DNAH2: variants seen among roughly 807,000 people sequenced by gnomAD.
DNAH2 encodes the protein dynein axonemal heavy chain 2, also known as axonemal beta dynein heavy chain 2.
Under a neutral mutation model 523.5 loss-of-function variants are expected in DNAH2, and 323 were observed. The observed-to-expected ratio is 0.62, with a 90% confidence interval of 0.56 to 0.68. The LOEUF is 0.68. Among genes scored for constraint, DNAH2 ranks in the 30% least tolerant of loss-of-function variants. The probability of loss-of-function intolerance (pLI) is 0.00; values close to 1 mark genes in which losing one functional copy is unlikely to be tolerated. For missense variants in DNAH2, 4,907 were observed against 5,701.5 expected, an observed-to-expected ratio of 0.86 and a Z score of 4.49; for synonymous variants, 2,093 against 2,177.4, an observed-to-expected ratio of 0.96 and a Z score of 1.08.
chr17:7,830,638 T>C lies in DNAH2; in HGVS notation c.12046-20T>C, dbSNP rs754742390. 57 of 1,612,606 alleles carry C rather than the reference T, an allele frequency of 3.5e-5. No individual in the cohort carries two copies. Among genetic ancestry groups the C allele is most frequent in the Non-Finnish European group, 4.2e-5 (50 of 1,178,752 alleles). ...TGCCATAACTCTGGGAATGGGGGCT[T>C]GGGCTGGGATCATGCCTAGGTGTCA... On this transcript the variant is annotated intron_variant, in intron 78 of 85. Transcript: ENST00000572933.
Position 7,817,416 on chromosome 17 carries a change from G to T in DNAH2, c.10020+1G>T. On this transcript the variant is annotated splice_donor_variant, in intron 65 of 85. Coordinates refer to ENST00000572933, the MANE Select transcript of DNAH2 (RefSeq NM_020877.5). LOFTEE classifies it high-confidence loss of function. ...TGTCAACCAAATCTGGATCGGGAAG[G>T]TGAGATGGGACTCAGGCATGACAAG... is the stretch of plus-strand genomic sequence containing the variant. 6.2e-7 allele frequency: 1 copy of T among 1,614,024 alleles called. No homozygotes were observed. The highest frequency in any genetic ancestry group is 8.5e-7 in the Non-Finnish European group (1 of 1,180,018).
At chr17:7,745,793 CAAAAAA>C in intron 12 of DNAH2, among the ~76,000 whole-genome samples, 1 of 123,790 alleles carries the variant, frequency 8.1e-6, no homozygotes, top group Non-Finnish European at 1.7e-5. Flanking sequence ...CTGTCTCAAA[CAAAAAA>C]AAAAAAAAAA....
rs915863868 is a variant in DNAH2 at position 7,791,853 on chromosome 17, G to A, written c.6901-64G>A. The A allele has an allele frequency of 2.6e-6, 4 of 1,516,828 alleles. No homozygotes were observed. The African/African-American group carries it at 5.5e-5, about 21-fold the overall frequency. 94.0% of individuals were successfully genotyped at this position (1,516,828 alleles called of 1,614,324 possible). On this transcript the variant is annotated intron_variant, in intron 44 of 85. Coordinates refer to ENST00000572933, the MANE Select transcript of DNAH2 (RefSeq NM_020877.5). ...GGCTTTCCACACTCTGGTGTCACGA[G>A]TCTGCCAGATGGACCCCTGGTCTCT...
Position 7,754,628 on chromosome 17 carries a change from T to G in DNAH2, c.1905-2463T>G. 6.7e-7 allele frequency: 1 copy of G among 1,486,968 alleles called. No individual in the cohort carries two copies. Among genetic ancestry groups the G allele is most frequent in the Admixed American group, 1.7e-5 (1 of 59,656 alleles). The allele number at this position is 1,486,968 out of a possible 1,614,324, so 92.1% of individuals were successfully genotyped here. A position where few individuals can be genotyped will look rare whatever the true frequency, so the allele number is the denominator to read the frequency against. ...AGGCCCTCGTAAAGCCCAAGGAGGT[T>G]AAGCCCAAGATCCCAAAGGGTGTCA... On this transcript the variant is annotated intron_variant, in intron 12 of 85. Coordinates refer to ENST00000572933, the MANE Select transcript of DNAH2 (RefSeq NM_020877.5). This position sits in a 1 kb window ranked among gnomAD's most constrained non-coding sequence, Gnocchi z 4.6.
intron 2 of DNAH2, among the ~76,000 whole-genome samples, chr17:7,723,092 C>T (rs975573532): frequency 6.6e-6 from 1 of 150,786 alleles, no homozygotes; most frequent in African/African-American, 2.4e-5. Context: ...GCCTCAGCCT[C>T]CAGAGTAGCT....
chr17:7,792,179 T>G, intron 45 of DNAH2, 73 bp from the exon 46 acceptor site: 1 of 1,602,074 alleles, frequency 6.2e-7, no homozygotes, highest in Non-Finnish European at 8.5e-7. Context: ...CACCCGGTGG[T>G]CTGGGGCCCG....
intron 1 of DNAH2, 66 bp downstream of exon 1, chr17:7,718,865 T>C (rs2074502304): frequency 6.6e-6 from 1 of 152,658 alleles, no homozygotes; most frequent in African/African-American, 2.4e-5. Context: ...GAGGAGCATA[T>C]TTCCATTTAA....
chr17:7,724,900 G>A (rs1033982911), intron 3 of DNAH2, among the ~76,000 whole-genome samples: 4 of 151,430 alleles, frequency 2.6e-5, no homozygotes, highest in Admixed American at 6.6e-5. Context: ...GCACCACCAC[G>A]CCCAGCTAAT....
Position 7,780,263 on chromosome 17 carries a change from A to G in DNAH2, c.5829A>G (p.Gly1943=), listed in dbSNP as rs1181412520. The change falls in exon 37 of 86, where the codon GGA becomes GGG. Residue 1943 remains glycine (G), a synonymous_variant. Coordinates refer to ENST00000572933, the MANE Select transcript of DNAH2 (RefSeq NM_020877.5). The surrounding 1 kb of genome is among the most constrained non-coding windows in gnomAD (Gnocchi z 4.4). ...STLIAEIILF[G]EGFGNCKILA... Reference sequence around the variant, plus strand: ...TCATTGCAGAAATCATTCTCTTTGGAGAGGGCTTTGGCAACTGCAAGGTAC... The same window carrying G: ...TCATTGCAGAAATCATTCTCTTTGGGGAGGGCTTTGGCAACTGCAAGGTAC... 3 of 1,613,956 alleles carry G rather than the reference A, an allele frequency of 1.9e-6. No individual in the cohort carries two copies. The Admixed American group carries it at 5.0e-5, about 27-fold the overall frequency.
At chr17:7,793,536 T>C (rs371626975) in intron 48 of DNAH2, among the ~76,000 whole-genome samples, 3,189 of 129,316 alleles carry the variant, frequency 0.025, 52 homozygotes, top group Non-Finnish European at 0.038. Flanking sequence ...CTTTCTTTCT[T>C]TTTCTTTCTT....
At chr17:7,775,690 CCA>C in intron 30 of DNAH2, among the ~76,000 whole-genome samples, 1 of 78,378 alleles carries the variant, frequency 1.3e-5, no homozygotes, top group Admixed American at 1.6e-4. Flanking sequence ...CGTCTCAAAA[CCA>C]AAAAAAAAAA....
In DNAH2 at chr17:7,766,413, C is replaced by T. The variant is rs77695334; in HGVS notation, c.3607C>T (p.Leu1203Phe). 173 of 1,613,858 alleles carry T rather than the reference C, an allele frequency of 1.1e-4. 1 individual carries two copies. The highest frequency in any genetic ancestry group is 1.4e-4 in the Non-Finnish European group (170 of 1,179,988). ...LMAMREEENS[L>F]RANLGIFKIE... ...GGCCATGCGGGAAGAGGAAAATAGT[C>T]TCCGAGCCAACCTGGGCATCTTCAA... Residue 1203 changes from leucine (L) to phenylalanine (F), a missense_variant, in exon 22 of 86, where the codon CTC becomes TTC. Leu to Phe is a conservative substitution (Grantham distance 22). Around this residue, in one of 3 missense-constraint regions of DNAH2, gnomAD observed 2,806 missense variants for 3,190.8 expected, o/e 0.88. Transcript: ENST00000572933.
intron 11 of DNAH2, 79 bp from the exon 12 acceptor site, chr17:7,742,849 T>C (rs1348145567): frequency 3.8e-6 from 4 of 1,045,624 alleles, no homozygotes; most frequent in Admixed American, 3.5e-5. Context: ...CATGCGCGCA[T>C]GTGTAGGTCT....
At chr17:7,764,472 T>A (rs1216483070) in intron 20 of DNAH2, among the ~76,000 whole-genome samples, 199 bp downstream of exon 20, 3 of 151,826 alleles carry the variant, frequency 2.0e-5, no homozygotes. Flanking sequence ...CCTCTTTTTT[T>A]TTTTTTTAAA....
intron 12 of DNAH2, among the ~76,000 whole-genome samples, chr17:7,752,072 G>A (rs1313227750): frequency 6.7e-6 from 1 of 149,638 alleles, no homozygotes; most frequent in Non-Finnish European, 1.5e-5. Context: ...CCAAGTAGCT[G>A]AAACTACAGG....
At chr17:7,719,050 T>A (rs1369879222) in intron 1 of DNAH2, among the ~76,000 whole-genome samples, 1 of 151,826 alleles carries the variant, frequency 6.6e-6, no homozygotes, top group East Asian at 1.9e-4. Context: ...ATAGATCTTT[T>A]CCTGATTATC....
rs779576035 is a variant in DNAH2, at chr17:7,764,054, G to A, written c.3179+23G>A. On this transcript the variant is annotated intron_variant, in intron 19 of 85. Transcript: ENST00000572933. Reference sequence around the variant, plus strand: ...GAAGTGCGGGCTGGGGCGCCCCACAGGAAGGGGGCAGGGGCAGGCACTGGG... The same window carrying A: ...GAAGTGCGGGCTGGGGCGCCCCACAAGAAGGGGGCAGGGGCAGGCACTGGG... The A allele has an allele frequency of 9.3e-6, 15 of 1,614,086 alleles. No homozygotes were observed. The South Asian group carries it at 1.3e-4, about 14-fold the overall frequency.
rs2075610677 is a variant in DNAH2, at chr17:7,749,310, A to ATC, written c.1904+6168_1904+6169insTC. ...GCAACAAGAGCTAAACTCCCCCCCA[A>ATC]AAAAAAAAAAAAAAAAAAAAAAAAA... On this transcript the variant is annotated intron_variant, in intron 12 of 85. Transcript: ENST00000572933. Among the ~76,000 whole-genome samples the ATC allele has an allele frequency of 2.9e-4, 21 of 72,174 alleles. 3 individuals carry two copies. Among genetic ancestry groups the ATC allele is most frequent in the African/African-American group, 1.2e-3 (8 of 6,464 alleles). 47.3% of individuals were successfully genotyped at this position (72,174 alleles called of 152,430 possible).
intron 63 of DNAH2, among the ~76,000 whole-genome samples, chr17:7,812,922 G>A (rs2077559108): frequency 6.6e-6 from 1 of 151,038 alleles, no homozygotes; most frequent in East Asian, 1.9e-4. Context: ...TTGCACTCCA[G>A]CCTGAGTGAC....
Sources: allele counts gnomAD v4.1 joint callset (sites outside exome capture counted in the v4.1 genomes callset), GRCh38; gene constraint gnomAD v4.1.1; regional missense constraint gnomAD v4.1.1; non-coding constraint Gnocchi (gnomAD v3.1); transcripts MANE v1.5; gene names NCBI Gene and HGNC (gene_info 2026-07-23, HGNC 2026-07-21).